Variants in RTF2 observed in about 807,000 individuals in gnomAD.
RTF2 encodes replication termination factor 2.
Under a neutral mutation model 38.0 loss-of-function variants are expected in RTF2, and 18 were observed. The observed-to-expected ratio is 0.47, with a 90% CI of 0.33 to 0.70. RTF2 has a LOEUF of 0.70. Ranked by LOEUF, RTF2 falls within the 30% of genes least tolerant of loss-of-function variation. The pLI is 0.02. For synonymous variants in RTF2, 126 were observed against 137.1 expected (o/e 0.92, Z 0.57); for missense variants, 311 against 379.6 (o/e 0.82, Z 1.50).
intron 3 of RTF2, 53 bp from the exon 4 acceptor site, chr20:56,476,932 A>G (rs1177157216): frequency 3.0e-5 from 47 of 1,589,388 alleles, no homozygotes; most frequent in Non-Finnish European, 2.6e-5. Context: ...GGTTAAGGCA[A>G]AGGATGATCT....
chr20:56,469,476 A>C (rs62210660), intron 1 of RTF2, among the ~76,000 whole-genome samples: 64 of 152,246 alleles, frequency 4.2e-4, no homozygotes, highest in Non-Finnish European at 1.8e-4. Flanking sequence ...GGTGACTAAG[A>C]TCACACAGCT....
rs1203566062 is a variant in RTF2 at position 56,497,680 on chromosome 20, A to G, written c.477+13491A>G. 5.3e-6 allele frequency: 6 copies of G among 1,126,508 alleles called. No homozygotes were observed. In the East Asian group the frequency reaches 3.5e-4, roughly 65 times the overall value. 69.8% of individuals were successfully genotyped at this position (1,126,508 alleles called of 1,614,324 possible). A position where few individuals can be genotyped will look rare whatever the true frequency, so the allele number is the denominator to read the frequency against. On this transcript the variant is annotated intron_variant, in intron 5 of 8. Coordinates refer to ENST00000357348, the MANE Select transcript of RTF2 (RefSeq NM_016407.5). ...TTCCTTTAAGCTTCCTAAAAGAACA[A>G]CAGATACAATTTAGGGTGTTGTAAT...
At chr20:56,479,064 C>T (rs1982396645) in intron 4 of RTF2, among the ~76,000 whole-genome samples, 1 of 152,192 alleles carries the variant, frequency 6.6e-6, no homozygotes, top group African/African-American at 2.4e-5. Context: ...CTCCACTTTT[C>T]TCATTCTCTT....
chr20:56,512,903 C>T (rs762733028), intron 5 of RTF2, among the ~76,000 whole-genome samples: 31 of 152,138 alleles, frequency 2.0e-4, no homozygotes, highest in Admixed American at 7.9e-4. Flanking sequence ...ACTCAGTACC[C>T]AGAGTTTTGG....
intron 1 of RTF2, chr20:56,472,370 T>C: frequency 1.3e-6 from 2 of 1,547,994 alleles, no homozygotes; most frequent in Non-Finnish European, 8.7e-7. Context: ...GTCTACACAG[T>C]GAAGGAAAAA....
chr20:56,476,502 CTTTTT>C (rs11472534), intron 3 of RTF2, among the ~76,000 whole-genome samples: 4 of 142,288 alleles, frequency 2.8e-5, no homozygotes, highest in African/African-American at 1.0e-4. Flanking sequence ...TTTCTGTTTT[CTTTTT>C]TTTTTTTTTG....
At position 56,497,625 on chromosome 20, in the gene RTF2, G is replaced by A; in HGVS notation, c.477+13436G>A. 3 of 1,268,210 alleles carry A rather than the reference G, an allele frequency of 2.4e-6. 1 individual carries two copies. In the South Asian group the frequency reaches 4.1e-5, roughly 17 times the overall value. The allele number at this position is 1,268,210 out of a possible 1,614,324, so 78.6% of individuals were successfully genotyped here. On this transcript the variant is annotated intron_variant, in intron 5 of 8. Transcript: ENST00000357348. ...CTGGCTCATATCTTGAGCTCCAGGT[G>A]CATTCTTATTACCATAATTTAAGTA...
chr20:56,468,898 G>C (rs922714130), intron 1 of RTF2, 132 bp downstream of exon 1: 1 of 688,548 alleles, frequency 1.5e-6, no homozygotes, highest in Non-Finnish European at 2.5e-6. Flanking sequence ...CCATTCAGAG[G>C]ACTCAAAATT....
In RTF2 at chr20:56,506,350, C is replaced by T. The variant is rs75093147; in HGVS notation, c.478-6965C>T. Among the ~76,000 whole-genome samples the T allele has an allele frequency of 8.3e-3, 1,258 of 152,216 alleles. 14 individuals are homozygous for T. The highest frequency in any genetic ancestry group is 0.013 in the Non-Finnish European group (866 of 68,024). On this transcript the variant is annotated intron_variant, in intron 5 of 8. Coordinates refer to ENST00000357348, the MANE Select transcript of RTF2 (RefSeq NM_016407.5). ...TGCACAGGAAACAAAAACAGGATTC[C>T]GTGATAAGAGAATGACCATGTCTCG... is the stretch of plus-strand genomic sequence containing the variant.
chr20:56,504,496 C>T (rs1033724822), intron 5 of RTF2, among the ~76,000 whole-genome samples: 20 of 152,190 alleles, frequency 1.3e-4, no homozygotes, highest in African/African-American at 4.8e-4. Flanking sequence ...AATCCTGTTT[C>T]TCCATAAATA....
At chr20:56,488,986 C>G (rs1222447203) in intron 5 of RTF2, among the ~76,000 whole-genome samples, 1 of 152,214 alleles carries the variant, frequency 6.6e-6, no homozygotes, top group Non-Finnish European at 1.5e-5. Flanking sequence ...CCACTGAAGC[C>G]CAGTCTCAGG....
intron 8 of RTF2, among the ~76,000 whole-genome samples, 166 bp from the exon 9 acceptor site, chr20:56,517,921 T>C (rs1430355981): frequency 6.6e-6 from 1 of 152,226 alleles, no homozygotes. Flanking sequence ...TGTTGTGCTG[T>C]GTCTGCTTTG....
chr20:56,505,116 A>G (rs1424581536), intron 5 of RTF2, among the ~76,000 whole-genome samples: 2 of 152,156 alleles, frequency 1.3e-5, no homozygotes, highest in African/African-American at 2.4e-5. Flanking sequence ...AGGTCCTTTT[A>G]TGTGTGGGAG....
chr20:56,508,310 T>A (rs1443948506), intron 5 of RTF2, among the ~76,000 whole-genome samples: 1 of 152,152 alleles, frequency 6.6e-6, no homozygotes, highest in Non-Finnish European at 1.5e-5. Context: ...AAAAAGTACT[T>A]TTATGGCTTT....
chr20:56,475,006 A>G (rs1982164479), intron 3 of RTF2, among the ~76,000 whole-genome samples: 2 of 152,160 alleles, frequency 1.3e-5, no homozygotes, highest in Admixed American at 6.5e-5. Context: ...GTGCTTTGAA[A>G]ATTTTGATGT....
intron 5 of RTF2, among the ~76,000 whole-genome samples, chr20:56,495,598 T>C (rs1983477055): frequency 6.6e-6 from 1 of 152,240 alleles, no homozygotes; most frequent in Admixed American, 6.5e-5. Flanking sequence ...TGTTACTCCC[T>C]TGCTGTATGC....
At chr20:56,484,317 T>C (rs1982674680) in intron 5 of RTF2, 128 bp downstream of exon 5, 1 of 771,780 alleles carries the variant, frequency 1.3e-6, no homozygotes, top group Non-Finnish European at 2.2e-6. Flanking sequence ...CTTCCATGGC[T>C]CTTGGTTGCT....
intron 5 of RTF2, among the ~76,000 whole-genome samples, chr20:56,509,335 G>GGGCT (rs1390392836): frequency 6.6e-6 from 1 of 152,064 alleles, no homozygotes; most frequent in African/African-American, 2.4e-5. Context: ...AAGGAAAAAT[G>GGGCT]GGCTGGTTGC....
chr20:56,471,354 G>A (rs550533071), intron 1 of RTF2, among the ~76,000 whole-genome samples: 38 of 152,288 alleles, frequency 2.5e-4, no homozygotes, highest in African/African-American at 9.1e-4. Flanking sequence ...GGATCATGAG[G>A]TCAGGAGATC....
Sources: gnomAD v4.1 joint callset for allele counts (sites outside exome capture counted in the v4.1 genomes callset) on GRCh38, gnomAD v4.1.1 for gene constraint, MANE v1.5 for transcripts, NCBI Gene and HGNC (gene_info 2026-07-23, HGNC 2026-07-21) for gene names.